The following SEPSECS variants were observed in gnomAD, a reference collection of about 807,000 sequenced individuals.
The protein encoded by SEPSECS is O-phosphoseryl-tRNA(Sec) selenium transferase.
In SEPSECS, 42 loss-of-function variants were observed where a neutral mutation model predicts 52.1. That is an observed-to-expected ratio of 0.81 (90% CI 0.63 to 1.04). SEPSECS has a LOEUF of 1.04. Ranked by LOEUF, SEPSECS falls within the 50% of genes least tolerant of loss-of-function variation. The pLI is 0.00. For missense variants in SEPSECS, 590 were observed against 610.6 expected (o/e 0.97, Z 0.36); for synonymous variants, 216 against 211.4 (o/e 1.02, Z -0.19).
rs780052130 is a variant in SEPSECS, at chr4:25,154,982, T to C, written c.701+16A>G. 8.1e-6 allele frequency: 13 copies of C among 1,612,596 alleles called. No individual in the cohort carries two copies. The highest frequency in any genetic ancestry group is 1.1e-5 in the Non-Finnish European group (13 of 1,178,666). On this transcript the variant is annotated intron_variant, in intron 5 of 10. Transcript: ENST00000382103. ...ACTGATAAACAGCTAAAGGACAATATTCACAAATCATTTACCTATCAGGCA... is the reference window on the plus strand; with the variant it reads ...ACTGATAAACAGCTAAAGGACAATACTCACAAATCATTTACCTATCAGGCA...
rs559763548 is a variant in SEPSECS at position 25,120,613 on chromosome 4, G to A, written c.*3318C>T. The A allele has an allele frequency of 6.6e-6, 1 of 152,100 alleles. No homozygotes were observed. Among genetic ancestry groups the A allele is most frequent in the Non-Finnish European group, 1.5e-5 (1 of 67,978 alleles). 9.4% of individuals were successfully genotyped at this position (152,100 alleles called of 1,614,324 possible). ...TGGACTTTTTTCAGTTACAAAATAA[G>A]GTTGGCCTCAAAAATGCAAAACATA... On this transcript the variant is annotated 3_prime_UTR_variant, in exon 11 of 11. Transcript: ENST00000382103.
chr4:25,127,409 T>A, intron 8 of SEPSECS, 52 bp from the exon 9 acceptor site: 2 of 1,338,808 alleles, frequency 1.5e-6, no homozygotes, highest in Non-Finnish European at 2.1e-6. Flanking sequence ...TACTGCCAGA[T>A]TTAATAAGAC....
At position 25,160,409 on chromosome 4, in the gene SEPSECS, GCTCCACA is replaced by G; in HGVS notation, c.-47_-41del. 5 of 1,489,206 alleles carry G rather than the reference GCTCCACA, an allele frequency of 3.4e-6. No individual in the cohort carries two copies. Among genetic ancestry groups the G allele is most frequent in the Non-Finnish European group, 4.6e-6 (5 of 1,093,504 alleles). The allele number at this position is 1,489,206 out of a possible 1,614,324, so 92.2% of individuals were successfully genotyped here. ...CAGTGGCGAATAAGCGGGAGCACTA[GCTCCACA>G]CGCCAGACACACGACGGAACCAGAA... On this transcript the variant is annotated 5_prime_UTR_variant, in exon 1 of 11. Coordinates refer to ENST00000382103, the MANE Select transcript of SEPSECS (RefSeq NM_016955.4).
chr4:25,144,326 CAA>C (rs34160695), intron 8 of SEPSECS, among the ~76,000 whole-genome samples: 7 of 83,814 alleles, frequency 8.4e-5, no homozygotes, highest in African/African-American at 1.7e-4. Context: ...AGACTCCGCT[CAA>C]AAAAAAAAAA....
At chr4:25,154,938 A>T in intron 5 of SEPSECS, 60 bp downstream of exon 5, 1 of 1,486,844 alleles carries the variant, frequency 6.7e-7, no homozygotes, top group Non-Finnish European at 9.4e-7. Context: ...TTTGAGAATT[A>T]GTATATTTTA....
chr4:25,129,279 G>A (rs1728514436), intron 8 of SEPSECS, among the ~76,000 whole-genome samples: 1 of 151,874 alleles, frequency 6.6e-6, no homozygotes, highest in Non-Finnish European at 1.5e-5. Flanking sequence ...GGAGACAAAT[G>A]TCATTATCAT....
chr4:25,132,429 A>T (rs1392708442), intron 8 of SEPSECS, among the ~76,000 whole-genome samples: 1 of 152,128 alleles, frequency 6.6e-6, no homozygotes, highest in Non-Finnish European at 1.5e-5. Context: ...TCACAATTAA[A>T]TTTTCACAGT....
At position 25,155,234 on chromosome 4, in the gene SEPSECS, T is replaced by C. The variant is rs1712551053; in HGVS notation, c.548-83A>G. 4.3e-6 allele frequency: 6 copies of C among 1,411,564 alleles called. No individual in the cohort carries two copies. In the South Asian group the frequency reaches 7.1e-5, roughly 17 times the overall value. The allele number at this position is 1,411,564 out of a possible 1,614,324, so 87.4% of individuals were successfully genotyped here. The stretch of plus-strand genomic sequence containing the variant: ...TGAAACTCTAGGAAGCATGCTATTC[T>C]ACACAAGAACTCTTAATATTTATTT... On this transcript the variant is annotated intron_variant, in intron 4 of 10. Transcript: ENST00000382103.
At chr4:25,143,733 C>T (rs1310509109) in intron 8 of SEPSECS, among the ~76,000 whole-genome samples, 1 of 152,074 alleles carries the variant, frequency 6.6e-6, no homozygotes, top group African/African-American at 2.4e-5. Flanking sequence ...ATGTATTCAT[C>T]CTAAGGCTAT....
At chr4:25,127,997 C>T (rs1728451822) in intron 8 of SEPSECS, among the ~76,000 whole-genome samples, 1 of 152,164 alleles carries the variant, frequency 6.6e-6, no homozygotes, top group African/African-American at 2.4e-5. Context: ...CAAGTGGTCC[C>T]TCTTGGCAAA....
intron 6 of SEPSECS, among the ~76,000 whole-genome samples, chr4:25,149,606 G>A (rs924341757): frequency 1.3e-5 from 2 of 152,104 alleles, no homozygotes; most frequent in Admixed American, 6.5e-5. Flanking sequence ...CATTATGAGT[G>A]ATCTTCTACT....
rs1441069494 is a variant in SEPSECS at position 25,159,112 on chromosome 4, A to G, written c.115-5T>C. The G allele has an allele frequency of 7.2e-7, 1 of 1,398,152 alleles. No individual in the cohort carries two copies. The highest frequency in any genetic ancestry group is 2.3e-5 in the Admixed American group (1 of 43,960). 86.6% of individuals were successfully genotyped at this position (1,398,152 alleles called of 1,614,324 possible). A position where few individuals can be genotyped will look rare whatever the true frequency, so the allele number is the denominator to read the frequency against. The stretch of plus-strand genomic sequence containing the variant: ...GCCATTCTCTGGACACTTGCCCTTA[A>G]AAAAAAAAAAAAACTTATGATTATA... On this transcript the variant is annotated splice_region_variant and splice_polypyrimidine_tract_variant and intron_variant, in intron 1 of 10. Coordinates refer to ENST00000382103, the MANE Select transcript of SEPSECS (RefSeq NM_016955.4).
At chr4:25,153,104 A>G (rs1221011922) in intron 5 of SEPSECS, among the ~76,000 whole-genome samples, 9 of 151,876 alleles carry the variant, frequency 5.9e-5, no homozygotes, top group Non-Finnish European at 8.9e-5. Flanking sequence ...CAAGTTATCA[A>G]TTTGCTTGCT....
chr4:25,160,264 G>T lies in SEPSECS; in HGVS notation c.106C>A (p.Leu36Met). 6.4e-7 allele frequency: 1 copy of T among 1,556,016 alleles called. No individual in the cohort carries two copies. The highest frequency in any genetic ancestry group is 1.2e-5 in the South Asian group (1 of 84,848). The change falls in exon 1 of 11, where the codon CTG becomes ATG. Residue 36 changes from leucine (L) to methionine (M), a missense_variant. Coordinates refer to ENST00000382103, the MANE Select transcript of SEPSECS (RefSeq NM_016955.4). ...GACCGACAGCTCGGTACCTTCTCCA[G>T]AAGCAGCCGTATGAGGTGCTCATGC... ...RSHEHLIRLL[L>M]EKGKCPENGW... is the part of the protein sequence containing the mutation.
intron 6 of SEPSECS, among the ~76,000 whole-genome samples, chr4:25,149,636 CT>C (rs1296662025): frequency 6.6e-6 from 1 of 152,030 alleles, no homozygotes; most frequent in South Asian, 2.1e-4. Context: ...TTTTCCTAAA[CT>C]TTTAGTAATA....
At chr4:25,135,489 T>C (rs184518180) in intron 8 of SEPSECS, among the ~76,000 whole-genome samples, 4 of 152,180 alleles carry the variant, frequency 2.6e-5, no homozygotes, top group African/African-American at 7.2e-5. Flanking sequence ...CCTGCGTATA[T>C]ACACCCTCCC....
chr4:25,150,433 C>A (rs1712230312), intron 6 of SEPSECS, among the ~76,000 whole-genome samples: 1 of 152,146 alleles, frequency 6.6e-6, no homozygotes, highest in African/African-American at 2.4e-5. Flanking sequence ...CAGCAGTGAA[C>A]AAAACAAAGT....
chr4:25,159,972 C>G, intron 1 of SEPSECS: 1 of 985,386 alleles, frequency 1.0e-6, no homozygotes, highest in Non-Finnish European at 1.2e-6. Flanking sequence ...AAAAAGTACA[C>G]TGGGACTTTC....
chr4:25,157,681 A>G (rs1348535735), intron 2 of SEPSECS, among the ~76,000 whole-genome samples: 1 of 151,756 alleles, frequency 6.6e-6, no homozygotes, highest in East Asian at 1.9e-4. Context: ...TGTAGCTGGG[A>G]CTACAGGCGC....
Sources: gnomAD v4.1 joint callset for allele counts (sites outside exome capture counted in the v4.1 genomes callset) on GRCh38, gnomAD v4.1.1 for gene constraint, MANE v1.5 for transcripts, NCBI Gene and HGNC (gene_info 2026-07-23, HGNC 2026-07-21) for gene names.